Variants in KCNN2 observed in about 807,000 individuals in gnomAD.
The protein encoded by KCNN2 is potassium calcium-activated channel subfamily N member 2, also known as small conductance calcium-activated potassium channel protein 2.
KCNN2 carries 24 observed loss-of-function variants against 55.5 expected under a neutral mutation model. The ratio of observed to expected loss-of-function variants is 0.43; its 90% CI spans 0.31 to 0.61. The LOEUF is 0.61. KCNN2 is among the 20% of genes least tolerant of loss of function. KCNN2 has a pLI of 0.08. For missense variants in KCNN2, 754 were observed against 853.6 expected (o/e 0.88, Z 1.45); for synonymous variants, 431 against 336.1 (o/e 1.28, Z -3.09).
intron 2 of KCNN2, among the ~76,000 whole-genome samples, chr5:114,371,882 C>A (rs1364264787): frequency 1.3e-5 from 2 of 152,090 alleles, no homozygotes; most frequent in Non-Finnish European, 2.9e-5. Context: ...CTCTCTTCAT[C>A]AAAAATGCTA....
At chr5:114,161,168 C>A (rs1218222141) in intron 1 of KCNN2, among the ~76,000 whole-genome samples, 1 of 152,130 alleles carries the variant, frequency 6.6e-6, no homozygotes, top group Non-Finnish European at 1.5e-5. Context: ...ATGTTTAGCG[C>A]TTCCTTCAGG....
intron 2 of KCNN2, among the ~76,000 whole-genome samples, chr5:114,366,839 T>G (rs1201689539): frequency 6.6e-6 from 1 of 152,252 alleles, no homozygotes; most frequent in Non-Finnish European, 1.5e-5. Context: ...GTTAAGAAAC[T>G]AAATGCAAGG....
chr5:114,379,176 G>A (rs971653689), intron 2 of KCNN2, among the ~76,000 whole-genome samples: 14 of 151,882 alleles, frequency 9.2e-5, no homozygotes, highest in African/African-American at 3.4e-4. Context: ...TGCTGTCTTA[G>A]AGAAGGGCAC....
intron 2 of KCNN2, among the ~76,000 whole-genome samples, chr5:114,236,939 A>G (rs1470147547): frequency 1.3e-5 from 2 of 152,092 alleles, no homozygotes; most frequent in Non-Finnish European, 2.9e-5. Context: ...AGTTTATTCA[A>G]TGTAACTTTC....
intron 5 of KCNN2, among the ~76,000 whole-genome samples, chr5:114,475,737 G>T (rs1273611292): frequency 6.6e-6 from 1 of 151,998 alleles, no homozygotes; most frequent in Non-Finnish European, 1.5e-5. Context: ...GTCCCCTAAA[G>T]TCCGGTCAGA....
chr5:114,473,603 A>AAGAT (rs1480298371), intron 5 of KCNN2, among the ~76,000 whole-genome samples: 3 of 152,346 alleles, frequency 2.0e-5, no homozygotes, highest in South Asian at 2.1e-4. Context: ...TTAGAAGCCC[A>AAGAT]AGATAGGGCC....
intron 1 of KCNN2, among the ~76,000 whole-genome samples, chr5:114,100,222 A>G (rs1751345797): frequency 6.6e-6 from 1 of 152,144 alleles, no homozygotes; most frequent in Non-Finnish European, 1.5e-5. Context: ...CCAAGATTAA[A>G]TGACCCAAAA....
intron 2 of KCNN2, among the ~76,000 whole-genome samples, chr5:114,272,347 T>G: frequency 1.9e-5 from 1 of 51,802 alleles, no homozygotes; most frequent in Non-Finnish European, 4.8e-5. Flanking sequence ...CACATATATG[T>G]ATGTACATAC....
chr5:114,279,411 A>G (rs1048683276), intron 2 of KCNN2, among the ~76,000 whole-genome samples: 18 of 151,892 alleles, frequency 1.2e-4, no homozygotes, highest in African/African-American at 4.4e-4. Context: ...TTAACTCGTG[A>G]TTTACATTAG....
At chr5:114,216,511 T>C (rs1754004047) in intron 1 of KCNN2, among the ~76,000 whole-genome samples, 1 of 152,184 alleles carries the variant, frequency 6.6e-6, no homozygotes, top group Admixed American at 6.5e-5. Context: ...AAGGTAAATT[T>C]ATGAGCTTCA....
chr5:114,226,034 G>T (rs1754231475), intron 2 of KCNN2, among the ~76,000 whole-genome samples: 1 of 152,146 alleles, frequency 6.6e-6, no homozygotes, highest in Non-Finnish European at 1.5e-5. Context: ...AATCCCCAAA[G>T]ATCTCACAGA....
At chr5:114,159,940 G>T (rs547446186) in intron 1 of KCNN2, among the ~76,000 whole-genome samples, 3 of 151,834 alleles carry the variant, frequency 2.0e-5, no homozygotes, top group East Asian at 1.9e-4. Context: ...TTTGTTGATC[G>T]TTTCAAAAAA....
At chr5:114,296,443 T>C (rs890140282) in intron 2 of KCNN2, among the ~76,000 whole-genome samples, 2 of 152,276 alleles carry the variant, frequency 1.3e-5, no homozygotes, top group Admixed American at 1.3e-4. Flanking sequence ...TTAGGCATTT[T>C]GTAAGACTAG....
At chr5:114,369,525 A>G (rs573866665) in intron 2 of KCNN2, among the ~76,000 whole-genome samples, 6 of 152,330 alleles carry the variant, frequency 3.9e-5, no homozygotes, top group African/African-American at 1.4e-4. Context: ...AATTATAGCA[A>G]CAGGTTGAAG....
At chr5:114,348,172 G>A (rs573354485) in intron 2 of KCNN2, among the ~76,000 whole-genome samples, 1 of 151,562 alleles carries the variant, frequency 6.6e-6, no homozygotes, top group Non-Finnish European at 1.5e-5. Context: ...TCTACAAAAG[G>A]CTCGGTCTCA....
At chr5:114,246,328 C>T (rs1754748076) in intron 2 of KCNN2, among the ~76,000 whole-genome samples, 1 of 152,116 alleles carries the variant, frequency 6.6e-6, no homozygotes, top group Admixed American at 6.5e-5. Context: ...TTGCGATGCT[C>T]TAGGCAGCAA....
Position 114,445,508 on chromosome 5 carries a change from ATTC to A in KCNN2, c.1638-17537_1638-17535del, listed in dbSNP as rs557291089. Among the ~76,000 whole-genome samples, 6 of 152,362 alleles carry A rather than the reference ATTC, an allele frequency of 3.9e-5. No homozygotes were observed. In the South Asian group the frequency reaches 1.2e-3, roughly 32 times the overall value. The stretch of plus-strand genomic sequence containing the variant: ...AAAGAAAGCTTTAGTTGGCTGCATT[ATTC>A]TTCACACTGTGTTTTAAAACTATTT... On this transcript the variant is annotated intron_variant, in intron 3 of 7. Coordinates refer to ENST00000673685, the MANE Select transcript of KCNN2 (RefSeq NM_021614.4).
chr5:114,287,938 T>C (rs1303760793), intron 2 of KCNN2, among the ~76,000 whole-genome samples: 1 of 152,198 alleles, frequency 6.6e-6, no homozygotes, highest in Non-Finnish European at 1.5e-5. Flanking sequence ...GTTTTCTTTT[T>C]CTCTAAGTAA....
At position 114,473,107 on chromosome 5, in the gene KCNN2, T is replaced by C. The variant is rs781235428; in HGVS notation, c.1833T>C (p.Leu611=). The C allele has an allele frequency of 6.2e-7, 1 of 1,612,816 alleles. No individual in the cohort carries two copies. The highest frequency in any genetic ancestry group is 1.3e-5 in the African/African-American group (1 of 75,030). ...CTGTAGTGGCAAGGAAGCTAGAACT[T>C]ACCAAAGCAGAAAAACACGTGCACA... ...VVAVVARKLE[L]TKAEKHVHNF... The change falls in exon 5 of 8, where the codon CTT becomes CTC. Residue 611 remains leucine (L), a synonymous_variant. Coordinates refer to ENST00000673685, the MANE Select transcript of KCNN2 (RefSeq NM_021614.4).
Sources: gnomAD v4.1 joint callset for allele counts (sites outside exome capture counted in the v4.1 genomes callset) on GRCh38, gnomAD v4.1.1 for gene constraint, MANE v1.5 for transcripts, NCBI Gene and HGNC (gene_info 2026-07-23, HGNC 2026-07-21) for gene names.